Variants in PLS1 observed in about 807,000 individuals in gnomAD.
The protein encoded by PLS1 is plastin 1, also known as plastin-1.
In PLS1, 32 loss-of-function variants were observed where a neutral mutation model predicts 73.7. The ratio of observed to expected loss-of-function variants is 0.43; its 90% CI spans 0.33 to 0.58. PLS1 has a LOEUF of 0.58. Among genes scored for constraint, PLS1 ranks in the 20% least tolerant of loss-of-function variants. PLS1 has a pLI of 0.04. For synonymous variants in PLS1, 217 were observed against 261.3 expected (o/e 0.83, Z 1.63); for missense variants, 633 against 740.5 (o/e 0.85, Z 1.68).
intron 1 of PLS1, among the ~76,000 whole-genome samples, chr3:142,628,290 A>G (rs1251149148): frequency 1.3e-5 from 2 of 152,024 alleles, no homozygotes; most frequent in African/African-American, 2.4e-5. Flanking sequence ...CTGTTTCCTT[A>G]TATGTGGAAA....
intron 1 of PLS1, among the ~76,000 whole-genome samples, chr3:142,637,763 T>C (rs2036725815): frequency 6.6e-6 from 1 of 152,162 alleles, no homozygotes; most frequent in Non-Finnish European, 1.5e-5. Flanking sequence ...TAATTAAATA[T>C]GGAAAAGAAA....
intron 1 of PLS1, among the ~76,000 whole-genome samples, chr3:142,602,930 G>A (rs561780778): frequency 2.6e-5 from 4 of 152,140 alleles, no homozygotes; most frequent in Non-Finnish European, 5.9e-5. Flanking sequence ...CAAGTGACTC[G>A]CCCGCCTCAG....
intron 1 of PLS1, among the ~76,000 whole-genome samples, chr3:142,621,022 A>G (rs916674122): frequency 1.3e-5 from 2 of 152,110 alleles, no homozygotes; most frequent in Admixed American, 6.5e-5. Context: ...CTGTCTCAAA[A>G]AAATAAAATA....
intron 1 of PLS1, among the ~76,000 whole-genome samples, chr3:142,655,773 A>G (rs1188468760): frequency 6.6e-6 from 1 of 151,370 alleles, no homozygotes; most frequent in East Asian, 1.9e-4. Context: ...GTTTGGAACC[A>G]GTGTCACTTT....
intron 4 of PLS1, among the ~76,000 whole-genome samples, 170 bp downstream of exon 4, chr3:142,671,292 A>G (rs1036551334): frequency 1.3e-5 from 2 of 152,252 alleles, no homozygotes; most frequent in Non-Finnish European, 2.9e-5. Flanking sequence ...AATTTGAAAT[A>G]CATCTCAGTT....
chr3:142,609,175 T>C (rs1351910823), intron 1 of PLS1, among the ~76,000 whole-genome samples: 1 of 152,214 alleles, frequency 6.6e-6, no homozygotes, highest in Non-Finnish European at 1.5e-5. Context: ...AATACAAAGT[T>C]TCTTTCTATA....
rs1459545330 is a variant in PLS1 at position 142,684,317 on chromosome 3, A to G, written c.810A>G (p.Glu270=). ...AGCTGATGAAGCTTTCTCCCGAGGA[A>G]TTACTGCTGCGATGGGTGAACTACC... The part of the protein sequence containing the change: ...LEELMKLSPE[E]LLLRWVNYHL... The change falls in exon 8 of 16, where the codon GAA becomes GAG. Residue 270 remains glutamate (E), a synonymous_variant. Coordinates refer to ENST00000457734, the MANE Select transcript of PLS1 (RefSeq NM_001145319.2). 3.7e-6 allele frequency: 6 copies of G among 1,613,980 alleles called. No homozygotes were observed. Among genetic ancestry groups the G allele is most frequent in the Non-Finnish European group, 5.1e-6 (6 of 1,179,954 alleles).
chr3:142,652,422 C>T (rs2037117900), intron 1 of PLS1, among the ~76,000 whole-genome samples: 1 of 152,128 alleles, frequency 6.6e-6, no homozygotes, highest in Admixed American at 6.5e-5. Context: ...TTCCTATTTT[C>T]CAGCTAAGAA....
chr3:142,606,995 C>T (rs982362732), intron 1 of PLS1, among the ~76,000 whole-genome samples: 4 of 152,148 alleles, frequency 2.6e-5, no homozygotes, highest in African/African-American at 9.7e-5. Context: ...CTTAGCATTT[C>T]GAGGAACTGC....
intron 11 of PLS1, among the ~76,000 whole-genome samples, chr3:142,696,751 AATAATAATAC>A (rs1370072420): frequency 1.3e-5 from 2 of 148,678 alleles, no homozygotes; most frequent in Non-Finnish European, 3.0e-5. Flanking sequence ...TAATAATAAT[AATAATAATAC>A]CATACTAGAC....
intron 4 of PLS1, among the ~76,000 whole-genome samples, chr3:142,675,747 C>T (rs2107859816): frequency 6.6e-6 from 1 of 151,806 alleles, no homozygotes; most frequent in African/African-American, 2.4e-5. Context: ...AGGATCTCCA[C>T]TCACTGCAAC....
chr3:142,687,411 C>T (rs939852975), intron 9 of PLS1, among the ~76,000 whole-genome samples: 5 of 152,206 alleles, frequency 3.3e-5, no homozygotes, highest in East Asian at 3.9e-4. Flanking sequence ...ACTTAAAGTG[C>T]GGCGTCCGTA....
At chr3:142,617,258 G>A (rs2036232520) in intron 1 of PLS1, among the ~76,000 whole-genome samples, 3 of 151,518 alleles carry the variant, frequency 2.0e-5, no homozygotes, top group South Asian at 4.2e-4. Flanking sequence ...TTGTAAACAC[G>A]CTCAAGTCCT....
At chr3:142,657,780 G>A (rs1271365878) in intron 1 of PLS1, among the ~76,000 whole-genome samples, 2 of 152,046 alleles carry the variant, frequency 1.3e-5, no homozygotes, top group African/African-American at 2.4e-5. Context: ...GAGCCACCAC[G>A]CCCAGTGTGT....
At chr3:142,649,315 AAC>A (rs1174202024) in intron 1 of PLS1, among the ~76,000 whole-genome samples, 1 of 140,198 alleles carries the variant, frequency 7.1e-6, no homozygotes, top group Non-Finnish European at 1.5e-5. Context: ...CAGTTTGGGT[AAC>A]AGAGTGAGAC....
At chr3:142,699,537 A>G (rs1195034501) in intron 12 of PLS1, among the ~76,000 whole-genome samples, 1 of 152,184 alleles carries the variant, frequency 6.6e-6, no homozygotes, top group Non-Finnish European at 1.5e-5. Flanking sequence ...ATGTATACCT[A>G]TGTTAACTAT....
chr3:142,689,429 C>CATACATAA (rs141970064), intron 9 of PLS1, among the ~76,000 whole-genome samples, 189 bp from the exon 10 acceptor site: 3 of 148,590 alleles, frequency 2.0e-5, no homozygotes, highest in South Asian at 4.3e-4. Context: ...TCTCTAAATA[C>CATACATAA]ATAAATAAAT....
intron 1 of PLS1, among the ~76,000 whole-genome samples, chr3:142,597,524 T>C (rs2035834978): frequency 6.6e-6 from 1 of 152,232 alleles, no homozygotes; most frequent in Admixed American, 6.5e-5. Context: ...GAAACCTATA[T>C]GGAAAGGGAA....
At chr3:142,609,164 T>G (rs1211322722) in intron 1 of PLS1, among the ~76,000 whole-genome samples, 1 of 152,212 alleles carries the variant, frequency 6.6e-6, no homozygotes, top group Non-Finnish European at 1.5e-5. Context: ...GATCACAGAT[T>G]AATACAAAGT....
Sources: allele counts gnomAD v4.1 joint callset (sites outside exome capture counted in the v4.1 genomes callset), GRCh38; gene constraint gnomAD v4.1.1; transcripts MANE v1.5; gene names NCBI Gene and HGNC (gene_info 2026-07-23, HGNC 2026-07-21).